Variants in NREP observed in about 807,000 individuals in gnomAD.
NREP encodes neuronal regeneration-related protein.
NREP carries 5 observed loss-of-function variants against 8.6 expected under a neutral mutation model. That is an observed-to-expected ratio of 0.58 (90% CI 0.30 to 1.22). The LOEUF (loss-of-function observed/expected upper bound fraction) is 1.22. Ranked by LOEUF, NREP falls within the 50% of genes most tolerant of loss-of-function variation. The probability of loss-of-function intolerance (pLI) is 0.07; values close to 1 mark genes in which losing one functional copy is unlikely to be tolerated. For missense variants in NREP, 86 were observed against 82.5 expected (o/e 1.04, Z -0.17); for synonymous variants, 27 against 28.0 (o/e 0.96, Z 0.11).
At chr5:111,731,534 A>G (rs1409511995) in intron 3 of NREP, among the ~76,000 whole-genome samples, 1 of 152,156 alleles carries the variant, frequency 6.6e-6, no homozygotes, top group South Asian at 2.1e-4. Flanking sequence ...ACTTGCATCA[A>G]TCTTATCTAT....
chr5:111,877,577 T>C (rs979886985), intron 2 of NREP, among the ~76,000 whole-genome samples: 3 of 152,214 alleles, frequency 2.0e-5, no homozygotes, highest in Non-Finnish European at 2.9e-5. Context: ...CAGCATGAAC[T>C]GGGCAAATGG....
chr5:111,769,802 A>G (rs1194678710), intron 2 of NREP, among the ~76,000 whole-genome samples: 3 of 152,288 alleles, frequency 2.0e-5, no homozygotes, highest in East Asian at 3.9e-4. Context: ...AACTCACTTA[A>G]TATCATGAGA....
At chr5:111,846,484 T>G (rs1753178511) in intron 2 of NREP, 1 of 147,594 alleles carries the variant, frequency 6.8e-6, no homozygotes, top group South Asian at 2.3e-4. Flanking sequence ...TTTCTTGGCT[T>G]CATTTCTACT....
At chr5:111,902,708 G>C (rs1754675221) in intron 2 of NREP, among the ~76,000 whole-genome samples, 1 of 152,120 alleles carries the variant, frequency 6.6e-6, no homozygotes, top group African/African-American at 2.4e-5. Context: ...AGCTTTAGCA[G>C]AAAAAATACC....
intron 2 of NREP, among the ~76,000 whole-genome samples, chr5:111,770,554 C>CTTTTTTTTTT (rs34538408): frequency 2.7e-5 from 2 of 73,582 alleles, no homozygotes; most frequent in South Asian, 4.9e-4. Context: ...GAATTATTTC[C>CTTTTTTTTTT]TTTTTTTTTT....
chr5:111,836,745 C>T (rs1022145995), intron 2 of NREP, among the ~76,000 whole-genome samples: 8 of 151,996 alleles, frequency 5.3e-5, no homozygotes, highest in African/African-American at 1.9e-4. Flanking sequence ...ACAAGGAGGA[C>T]TCAGGGTAGT....
At chr5:111,746,642 A>T (rs2112828896) in intron 2 of NREP, among the ~76,000 whole-genome samples, 1 of 152,326 alleles carries the variant, frequency 6.6e-6, no homozygotes, top group Non-Finnish European at 1.5e-5. Flanking sequence ...TTTCATAGGC[A>T]GTTTTTAATC....
At chr5:111,826,365 T>A (rs571016853) in intron 2 of NREP, among the ~76,000 whole-genome samples, 1 of 152,286 alleles carries the variant, frequency 6.6e-6, no homozygotes, top group East Asian at 1.9e-4. Context: ...CCTTCAGCAC[T>A]GTGGAAGTTT....
At chr5:111,752,850 G>A (rs1750449646) in intron 2 of NREP, among the ~76,000 whole-genome samples, 1 of 152,090 alleles carries the variant, frequency 6.6e-6, no homozygotes, top group Non-Finnish European at 1.5e-5. Context: ...CTTGACATTG[G>A]ATTAAATAAC....
intron 2 of NREP, among the ~76,000 whole-genome samples, chr5:111,887,623 G>A (rs1016272616): frequency 6.6e-6 from 1 of 152,162 alleles, no homozygotes; most frequent in Non-Finnish European, 1.5e-5. Context: ...AGGAAGTTAA[G>A]TACCTTAAAA....
intron 2 of NREP, among the ~76,000 whole-genome samples, chr5:111,773,237 T>G (rs1056307322): frequency 2.6e-5 from 4 of 152,164 alleles, no homozygotes; most frequent in African/African-American, 4.8e-5. Flanking sequence ...AACTATTATC[T>G]GCTCAGCAGT....
At chr5:111,802,538 G>T (rs1752037875) in intron 2 of NREP, among the ~76,000 whole-genome samples, 1 of 152,120 alleles carries the variant, frequency 6.6e-6, no homozygotes, top group Non-Finnish European at 1.5e-5. Flanking sequence ...GGCAAGAGAT[G>T]AATAAGGCCT....
chr5:111,749,307 T>G (rs1274862137), intron 2 of NREP, among the ~76,000 whole-genome samples: 1 of 152,116 alleles, frequency 6.6e-6, no homozygotes, highest in Non-Finnish European at 1.5e-5. Context: ...ACTGAGAGAT[T>G]TACAGACAAG....
At chr5:111,778,598 T>C (rs1751417649) in intron 2 of NREP, among the ~76,000 whole-genome samples, 1 of 152,186 alleles carries the variant, frequency 6.6e-6, no homozygotes, top group African/African-American at 2.4e-5. Context: ...CCACACTCCA[T>C]TACATTTCTT....
chr5:111,900,537 G>A (rs915180455), intron 2 of NREP, among the ~76,000 whole-genome samples: 2 of 151,864 alleles, frequency 1.3e-5, no homozygotes, highest in African/African-American at 4.8e-5. Context: ...AAGAAAAAAA[G>A]AGTAAATGTC....
chr5:111,910,278 C>T (rs1428083275), intron 2 of NREP, among the ~76,000 whole-genome samples: 1 of 151,968 alleles, frequency 6.6e-6, no homozygotes, highest in Non-Finnish European at 1.5e-5. Flanking sequence ...GAAGCATTTA[C>T]AATTTTTCTA....
rs916454574 is a variant in NREP at position 111,762,897 on chromosome 5, C to A, written c.136-27390G>T. On this transcript the variant is annotated intron_variant, in intron 2 of 3. Coordinates refer to the NREP transcript ENST00000395634. ...TTTCGGATATTCTACAATGCAAAGTCTGAGGAAGAGCCTGAAGCTAAAGAA... is the reference window on the plus strand; with the variant it reads ...TTTCGGATATTCTACAATGCAAAGTATGAGGAAGAGCCTGAAGCTAAAGAA... Among the ~76,000 whole-genome samples, 3 of 152,164 alleles carry A rather than the reference C, an allele frequency of 2.0e-5. No individual in the cohort carries two copies. The East Asian group carries it at 5.8e-4, about 29-fold the overall frequency.
intron 2 of NREP, among the ~76,000 whole-genome samples, chr5:111,914,487 G>T (rs1754995860): frequency 6.6e-6 from 1 of 152,008 alleles, no homozygotes; most frequent in African/African-American, 2.4e-5. Flanking sequence ...CTCTGCCTTT[G>T]CCTCTTTTGG....
intron 2 of NREP, among the ~76,000 whole-genome samples, chr5:111,856,637 A>G (rs1753434015): frequency 6.6e-6 from 1 of 152,096 alleles, no homozygotes; most frequent in African/African-American, 2.4e-5. Context: ...TAGCTCAACT[A>G]CCTGACCACC....
Sources: gnomAD v4.1 joint callset for allele counts (sites outside exome capture counted in the v4.1 genomes callset) on GRCh38, gnomAD v4.1.1 for gene constraint, MANE v1.5 for transcripts, NCBI Gene and HGNC (gene_info 2026-07-23, HGNC 2026-07-21) for gene names.